GRIA3: variants seen among roughly 807,000 people sequenced by gnomAD.
GRIA3 encodes glutamate receptor 3.
In GRIA3, 3 loss-of-function variants were observed where a neutral mutation model predicts 63.0. The observed-to-expected ratio is 0.05, with a 90% CI of 0.02 to 0.12. The LOEUF (loss-of-function observed/expected upper bound fraction) is 0.12. Ranked by LOEUF, GRIA3 falls within the 10% of genes least tolerant of loss-of-function variation. The pLI is 1.00. For synonymous variants in GRIA3, 274 were observed against 257.9 expected (o/e 1.06, Z -0.60); for missense variants, 347 against 700.9 (o/e 0.50, Z 5.70).
intron 3 of GRIA3, among the ~76,000 whole-genome samples, chrX:123,294,883 C>G (rs1190461682): frequency 8.9e-6 from 1 of 111,929 alleles, no homozygotes; most frequent in African/African-American, 3.2e-5. Flanking sequence ...GTTGCTGTAG[C>G]TTTACTGCAG....
At chrX:123,426,054 C>T (rs1313254196) in intron 11 of GRIA3, among the ~76,000 whole-genome samples, 1 of 111,035 alleles carries the variant, frequency 9.0e-6, no homozygotes, top group African/African-American at 3.3e-5. Flanking sequence ...CAGAACTACC[C>T]TCTTCCCACA....
intron 5 of GRIA3, among the ~76,000 whole-genome samples, chrX:123,369,036 A>G (rs1010587963): frequency 9.0e-6 from 1 of 111,367 alleles, no homozygotes; most frequent in African/African-American, 3.3e-5. Flanking sequence ...AAAAATTACC[A>G]AAAGGGAAAA....
At chrX:123,472,312 A>C (rs777589808) in intron 13 of GRIA3, among the ~76,000 whole-genome samples, 149 of 109,148 alleles carry the variant, frequency 1.4e-3, no homozygotes, top group African/African-American at 4.7e-3. Flanking sequence ...AAATGTCTTC[A>C]GAAACATACA....
At chrX:123,226,704 C>G (rs2044249315) in intron 2 of GRIA3, among the ~76,000 whole-genome samples, 1 of 111,315 alleles carries the variant, frequency 9.0e-6, no homozygotes, top group Non-Finnish European at 1.9e-5. Context: ...TGATAATAAC[C>G]TCAATCTTCA....
chrX:123,243,829 A>G (rs903424775), intron 2 of GRIA3, among the ~76,000 whole-genome samples: 2 of 111,577 alleles, frequency 1.8e-5, no homozygotes, highest in Admixed American at 1.9e-4. Flanking sequence ...GCAAAAAATT[A>G]AAGCCCACTC....
chrX:123,349,933 G>A, intron 4 of GRIA3, among the ~76,000 whole-genome samples: 1 of 111,337 alleles, frequency 9.0e-6, no homozygotes, highest in Non-Finnish European at 1.9e-5. Flanking sequence ...TTTTAAGGCT[G>A]ATTTCTGTAG....
At chrX:123,306,664 G>A (rs1222683427) in intron 3 of GRIA3, among the ~76,000 whole-genome samples, 1 of 111,664 alleles carries the variant, frequency 9.0e-6, no homozygotes, top group Non-Finnish European at 1.9e-5. Flanking sequence ...AAGGCTCAGG[G>A]GAGGATGCAT....
intron 3 of GRIA3, among the ~76,000 whole-genome samples, chrX:123,297,408 T>C (rs996110749): frequency 1.8e-5 from 2 of 112,319 alleles, no homozygotes; most frequent in Non-Finnish European, 3.8e-5. Flanking sequence ...GTGGTTTACA[T>C]TGCAGTAATG....
At chrX:123,185,067 C>A (rs1927222010) in intron 1 of GRIA3, 2 of 321,145 alleles carry the variant, frequency 6.2e-6, no homozygotes, top group Non-Finnish European at 6.1e-6. Context: ...GGGCGCATAA[C>A]CCGGGCCCGG....
intron 2 of GRIA3, among the ~76,000 whole-genome samples, chrX:123,249,395 T>C (rs2044376925): frequency 8.9e-6 from 1 of 111,878 alleles, no homozygotes; most frequent in Non-Finnish European, 1.9e-5. Flanking sequence ...TGTGGGTGGG[T>C]CAACTCAGTG....
chrX:123,466,849 T>A (rs1272056320), intron 13 of GRIA3, among the ~76,000 whole-genome samples: 1 of 112,532 alleles, frequency 8.9e-6, no homozygotes, highest in Non-Finnish European at 1.9e-5. Context: ...CTTTTCTTCT[T>A]CAGAGACAAT....
Position 123,273,016 on chromosome X carries a change from G to A in GRIA3, c.508+19474G>A, listed in dbSNP as rs940454228. 2.7e-5 allele frequency among the ~76,000 whole-genome samples: 3 copies of A among 111,493 alleles called. No homozygotes were observed. The Admixed American group carries it at 2.9e-4, about 11-fold the overall frequency. ...CCGCAGTATTTCAAGGGAGTCTTCC[G>A]TACCTCCTCCCTACAGTCCGGCCTT... On this transcript the variant is annotated intron_variant, in intron 3 of 15. Transcript: ENST00000620443.
intron 2 of GRIA3, among the ~76,000 whole-genome samples, chrX:123,245,184 G>A (rs2044351211): frequency 8.9e-6 from 1 of 112,439 alleles, no homozygotes; most frequent in Admixed American, 9.4e-5. Context: ...TAAGACTTTA[G>A]CTTTGGTTCC....
chrX:123,414,712 G>A, intron 10 of GRIA3, among the ~76,000 whole-genome samples: 2 of 108,722 alleles, frequency 1.8e-5, no homozygotes, highest in Admixed American at 9.9e-5. Flanking sequence ...GAGAATGATG[G>A]CTTCCAGCTT....
At chrX:123,286,767 A>G (rs1272228623) in intron 3 of GRIA3, among the ~76,000 whole-genome samples, 2 of 111,911 alleles carry the variant, frequency 1.8e-5, no homozygotes, top group Non-Finnish European at 3.8e-5. Flanking sequence ...TTGGGGCAAT[A>G]ATTAATAGCC....
At chrX:123,187,983 T>C (rs1927324937) in intron 2 of GRIA3, among the ~76,000 whole-genome samples, 1 of 112,173 alleles carries the variant, frequency 8.9e-6, no homozygotes, top group Non-Finnish European at 1.9e-5. Flanking sequence ...CGTAAATTCA[T>C]AGCATTTCCA....
intron 12 of GRIA3, among the ~76,000 whole-genome samples, chrX:123,452,453 C>G (rs375073479): frequency 2.7e-5 from 3 of 110,738 alleles, no homozygotes; most frequent in East Asian, 5.7e-4. Flanking sequence ...TTTTTCTCCC[C>G]TTAGTAAGAA....
chrX:123,380,862 A>T (rs1245768448), intron 5 of GRIA3, among the ~76,000 whole-genome samples: 1 of 111,414 alleles, frequency 9.0e-6, no homozygotes, highest in Non-Finnish European at 1.9e-5. Context: ...CTTTCTACAT[A>T]CGGCTGGCCA....
At chrX:123,486,807 C>T (rs979934355) in intron 15 of GRIA3, among the ~76,000 whole-genome samples, 5 of 111,770 alleles carry the variant, frequency 4.5e-5, no homozygotes, top group Non-Finnish European at 9.4e-5. Context: ...CCAGGGGCAC[C>T]GACATCAAGA....
Sources: gnomAD v4.1 joint callset for allele counts (sites outside exome capture counted in the v4.1 genomes callset) on GRCh38, gnomAD v4.1.1 for gene constraint, MANE v1.5 for transcripts, NCBI Gene and HGNC (gene_info 2026-07-23, HGNC 2026-07-21) for gene names.